The following ZNF215 variants were observed in gnomAD, a reference collection of about 807,000 sequenced individuals.
ZNF215 encodes the protein zinc finger protein 215, also known as BWSCR2-associated zinc finger protein 2.
A neutral mutation model predicts 27.2 loss-of-function variants in ZNF215; 24 were observed. The observed-to-expected ratio is 0.88, with a 90% CI of 0.64 to 1.24. The LOEUF is 1.24. Ranked by LOEUF, ZNF215 falls within the 50% of genes most tolerant of loss-of-function variation. The probability of loss-of-function intolerance (pLI) is 0.00; values close to 1 mark genes in which losing one functional copy is unlikely to be tolerated. For synonymous variants in ZNF215, 210 were observed against 204.0 expected (o/e 1.03, Z -0.25); for missense variants, 675 against 605.7 (o/e 1.11, Z -1.20).
At chr11:6,984,634 A>G (rs891959403), downstream of ZNF215, 1 of 152,198 alleles carries the variant, frequency 6.6e-6, no homozygotes, top group Non-Finnish European at 1.5e-5. Context: ...TTTACTGACA[A>G]TCTGCCCATG....
chr11:6,965,413 T>G (rs140135878), intron 5 of ZNF215, among the ~76,000 whole-genome samples: 1 of 152,252 alleles, frequency 6.6e-6, no homozygotes, highest in Non-Finnish European at 1.5e-5. Flanking sequence ...ATGTTTTTAG[T>G]GTACAAATGT....
chr11:6,957,012 A>G lies in ZNF215; in HGVS notation c.*481A>G. Reference sequence around the variant, plus strand: ...TTCTAAGGACAGAAATCTCTGAATCAATGGCTAAGACAACAGTAACAGCCA... The same window carrying G: ...TTCTAAGGACAGAAATCTCTGAATCGATGGCTAAGACAACAGTAACAGCCA... On this transcript the variant is annotated 3_prime_UTR_variant, in exon 7 of 7. Transcript: ENST00000278319. 1.0e-6 allele frequency: 1 copy of G among 987,106 alleles called. No homozygotes were observed. Among genetic ancestry groups the G allele is most frequent in the Non-Finnish European group, 1.2e-6 (1 of 831,054 alleles). 61.1% of individuals were successfully genotyped at this position (987,106 alleles called of 1,614,324 possible). A position where few individuals can be genotyped will look rare whatever the true frequency, so the allele number is the denominator to read the frequency against.
At chr11:6,980,904 C>A (rs1229738502) in intron 5 of ZNF215, among the ~76,000 whole-genome samples, 3 of 151,082 alleles carry the variant, frequency 2.0e-5, no homozygotes, top group Admixed American at 2.0e-4. Flanking sequence ...ATGATGATTT[C>A]CAATTTCATC....
intron 5 of ZNF215, among the ~76,000 whole-genome samples, chr11:6,971,484 C>T (rs1485104717): frequency 6.6e-6 from 1 of 152,064 alleles, no homozygotes; most frequent in Non-Finnish European, 1.5e-5. Flanking sequence ...TATTTTGTAT[C>T]CCATCACCAA....
chr11:6,955,430 G>T (rs1850290192), intron 6 of ZNF215, among the ~76,000 whole-genome samples: 1 of 152,088 alleles, frequency 6.6e-6, no homozygotes, highest in Non-Finnish European at 1.5e-5. Flanking sequence ...CCGCATCCTT[G>T]TTCATGTAAA....
chr11:6,992,500 A>G (rs909875431), downstream of ZNF215, among the ~76,000 whole-genome samples: 3 of 152,370 alleles, frequency 2.0e-5, no homozygotes, highest in African/African-American at 7.2e-5. Context: ...ACCTTTTTAC[A>G]CTAACAGTAA....
intron 1 of ZNF215, among the ~76,000 whole-genome samples, chr11:6,927,335 T>G (rs1337847012): frequency 2.0e-5 from 3 of 152,248 alleles, no homozygotes; most frequent in Non-Finnish European, 4.4e-5. Flanking sequence ...AACTGTTTTC[T>G]GTTCCTCTTT....
At chr11:6,955,639 C>T in intron 6 of ZNF215, 51 bp from the exon 7 acceptor site, 1 of 1,517,854 alleles carries the variant, frequency 6.6e-7, no homozygotes, top group Non-Finnish European at 8.8e-7. Flanking sequence ...CCTCCATTTC[C>T]TATTGAAGCA....
rs775849837 is a variant in ZNF215, at chr11:6,956,157, C to T, written c.1180C>T (p.Leu394Phe). 1.2e-6 allele frequency: 2 copies of T among 1,613,762 alleles called. No individual in the cohort carries two copies. Among genetic ancestry groups the T allele is most frequent in the Non-Finnish European group, 1.7e-6 (2 of 1,179,982 alleles). Residue 394 changes from leucine to phenylalanine, a missense_variant, in exon 7 of 7, where the codon CTT (leucine) becomes TTT (phenylalanine). By Grantham distance (22) the Leu-to-Phe change is conservative. Transcript: ENST00000278319. ...CGKAFCRSSS[L>F]IRHQIIHTGE... is the part of the protein sequence containing the mutation. ...GAAAGCCTTCTGCCGAAGTTCATCC[C>T]TTATTCGACATCAGATCATTCACAC...
chr11:6,977,404 T>C (rs969651), intron 5 of ZNF215, among the ~76,000 whole-genome samples: 38,886 of 151,890 alleles, frequency 0.26, 5,206 homozygotes, highest in Non-Finnish European at 0.29. Flanking sequence ...TTTTAAAATA[T>C]AGATGTATAT....
chr11:6,977,950 C>T (rs1209971197), intron 5 of ZNF215, among the ~76,000 whole-genome samples: 1 of 151,974 alleles, frequency 6.6e-6, no homozygotes, highest in Non-Finnish European at 1.5e-5. Flanking sequence ...TAAGTCACAG[C>T]AAAAGGAAAC....
chr11:6,942,513 A>T (rs10839665), intron 4 of ZNF215, among the ~76,000 whole-genome samples: 56,587 of 152,032 alleles, frequency 0.37, 10,977 homozygotes, highest in Non-Finnish European at 0.43. Context: ...TAGTAATAAT[A>T]ATTACACAGA....
rs1448597656 is a variant in ZNF215 at position 6,957,773 on chromosome 11, G to A, written c.*1242G>A. ...CTTTGGGAATTTAGGCTGGAGAGAC[G>A]TCCATAGCCTTAGGTATATCATTTA... On this transcript the variant is annotated 3_prime_UTR_variant, in exon 7 of 7. Transcript: ENST00000278319. The A allele has an allele frequency of 1.4e-5, 14 of 985,270 alleles. No individual in the cohort carries two copies. Among genetic ancestry groups the A allele is most frequent in the Non-Finnish European group, 1.6e-5 (13 of 829,928 alleles). 61.0% of individuals were successfully genotyped at this position (985,270 alleles called of 1,614,324 possible).
intron 5 of ZNF215, among the ~76,000 whole-genome samples, chr11:6,978,816 A>C (rs1339321578): frequency 6.6e-6 from 1 of 152,096 alleles, no homozygotes; most frequent in African/African-American, 2.4e-5. Flanking sequence ...AATGTTCATA[A>C]TAAAATGTTG....
chr11:6,954,606 G>A (rs1048149025), intron 6 of ZNF215, among the ~76,000 whole-genome samples: 1 of 152,212 alleles, frequency 6.6e-6, no homozygotes, highest in African/African-American at 2.4e-5. Context: ...TATTAGGGTG[G>A]GAGTGACCCG....
chr11:6,961,705 C>A (rs900036951), downstream of ZNF215, among the ~76,000 whole-genome samples: 1 of 152,104 alleles, frequency 6.6e-6, no homozygotes, highest in Non-Finnish European at 1.5e-5. Context: ...GTATTCACAG[C>A]TTTTAGTTGC....
At chr11:6,971,877 GC>G (rs1329568271) in intron 5 of ZNF215, among the ~76,000 whole-genome samples, 5 of 152,152 alleles carry the variant, frequency 3.3e-5, no homozygotes, top group African/African-American at 1.2e-4. Flanking sequence ...AGCAGGGTTA[GC>G]CATTGTCTCT....
At chr11:6,958,072 A>G (rs1850437061), downstream of ZNF215, 3 of 985,050 alleles carry the variant, frequency 3.0e-6, no homozygotes, top group Non-Finnish European at 3.6e-6. Flanking sequence ...TTATATTGCA[A>G]CACAAGTTTT....
intron 3 of ZNF215, among the ~76,000 whole-genome samples, chr11:6,938,023 G>A (rs544692595): frequency 1.3e-5 from 2 of 151,964 alleles, no homozygotes; most frequent in South Asian, 2.1e-4. Flanking sequence ...TAACACTTTT[G>A]TGCATCAAAA....
Sources: allele counts gnomAD v4.1 joint callset (sites outside exome capture counted in the v4.1 genomes callset), GRCh38; gene constraint gnomAD v4.1.1; transcripts MANE v1.5; gene names NCBI Gene and HGNC (gene_info 2026-07-23, HGNC 2026-07-21).